MYLK: variants seen among roughly 807,000 people sequenced by gnomAD.
MYLK encodes myosin light chain kinase.
In MYLK, 106 loss-of-function variants were observed where a neutral mutation model predicts 203.4. The observed-to-expected ratio is 0.52, with a 90% CI of 0.45 to 0.61. The LOEUF (loss-of-function observed/expected upper bound fraction) is 0.61. Ranked by LOEUF, MYLK falls within the 20% of genes least tolerant of loss-of-function variation. The probability of loss-of-function intolerance (pLI) is 0.00; values close to 1 mark genes in which losing one functional copy is unlikely to be tolerated. For missense variants in MYLK, 2,072 were observed against 2,442.3 expected (o/e 0.85, Z 3.20); for synonymous variants, 867 against 959.5 (o/e 0.90, Z 1.78).
chr3:123,665,483 G>A (rs1444764675), intron 22 of MYLK, among the ~76,000 whole-genome samples: 1 of 152,144 alleles, frequency 6.6e-6, no homozygotes, highest in African/African-American at 2.4e-5. Context: ...TCATCTCTGG[G>A]GCTAGGAGAA....
chr3:123,761,163 C>G (rs2063522088), intron 4 of MYLK, among the ~76,000 whole-genome samples: 1 of 152,224 alleles, frequency 6.6e-6, no homozygotes, highest in South Asian at 2.1e-4. Flanking sequence ...ACTATAACCC[C>G]TCCATCAGCA....
chr3:123,685,099 A>C (rs1448215479), intron 19 of MYLK, among the ~76,000 whole-genome samples: 1 of 152,228 alleles, frequency 6.6e-6, no homozygotes, highest in African/African-American at 2.4e-5. Context: ...ACTTCCAAGC[A>C]TCACCACAGT....
chr3:123,683,517 C>T (rs13064637), intron 19 of MYLK, among the ~76,000 whole-genome samples: 13 of 152,300 alleles, frequency 8.5e-5, no homozygotes, highest in East Asian at 1.9e-4. Flanking sequence ...GGATGCATTT[C>T]TCCTTCTGGG....
chr3:123,863,114 G>A (rs1280866311), intron 2 of MYLK, among the ~76,000 whole-genome samples: 2 of 152,094 alleles, frequency 1.3e-5, no homozygotes, highest in African/African-American at 4.8e-5. Flanking sequence ...CTCTGCAAGA[G>A]AATAAAAACA....
chr3:123,727,136 G>A (rs924400135), intron 11 of MYLK, among the ~76,000 whole-genome samples: 3 of 152,202 alleles, frequency 2.0e-5, no homozygotes, highest in African/African-American at 7.2e-5. Flanking sequence ...ACTCGATGCT[G>A]AAGCCAAGTT....
At chr3:123,837,112 C>A (rs1165795395) in intron 2 of MYLK, among the ~76,000 whole-genome samples, 2 of 152,146 alleles carry the variant, frequency 1.3e-5, no homozygotes, top group Admixed American at 6.5e-5. Context: ...CAGCTCACTG[C>A]AACCTCCACC....
At chr3:123,718,573 C>A (rs901456260) in intron 13 of MYLK, among the ~76,000 whole-genome samples, 1 of 152,224 alleles carries the variant, frequency 6.6e-6, no homozygotes, top group African/African-American at 2.4e-5. Context: ...AATGGGTCAA[C>A]CTTGCTCCTG....
chr3:123,781,538 A>T (rs1270349993), intron 4 of MYLK, among the ~76,000 whole-genome samples: 2 of 152,220 alleles, frequency 1.3e-5, no homozygotes, highest in South Asian at 2.1e-4. Context: ...CTCTAACAAA[A>T]CTAGAAGGGG....
chr3:123,830,742 T>G (rs964573743), intron 3 of MYLK, among the ~76,000 whole-genome samples: 2 of 152,068 alleles, frequency 1.3e-5, no homozygotes, highest in African/African-American at 2.4e-5. Context: ...TGAAGTACTG[T>G]AGTAGTTAGA....
rs1449454753 is a variant in MYLK, at chr3:123,700,430, G to T, written c.3038C>A (p.Pro1013His). ...LNAKAVESSK[P>H]LSNAQPSGPL... ...CCCTGAAGGCTGTGCATTGCTCAGG[G>T]GCTTGGAACTCTCCACTGCCTTGGC... The change falls in exon 18 of 34, where the codon CCC (proline) becomes CAC (histidine). Residue 1013 changes from proline (P) to histidine (H), a missense_variant. Pro to His is a moderately conservative substitution (Grantham distance 77, BLOSUM62 -2). Transcript: ENST00000360304. 3 of 1,611,378 alleles carry T rather than the reference G, an allele frequency of 1.9e-6. No homozygotes were observed. In the South Asian group the frequency reaches 3.3e-5, roughly 18 times the overall value.
chr3:123,757,946 G>C (rs935065167), intron 4 of MYLK, among the ~76,000 whole-genome samples: 1 of 151,990 alleles, frequency 6.6e-6, no homozygotes, highest in Non-Finnish European at 1.5e-5. Context: ...AAAAATAGTA[G>C]GAAATAAAAC....
intron 2 of MYLK, among the ~76,000 whole-genome samples, chr3:123,871,468 A>G: frequency 6.6e-6 from 1 of 152,220 alleles, no homozygotes; most frequent in East Asian, 1.9e-4. Context: ...CAAACTATAA[A>G]TATCAGGAAT....
intron 27 of MYLK, among the ~76,000 whole-genome samples, chr3:123,645,895 GC>G (rs1439453481): frequency 1.3e-5 from 2 of 152,212 alleles, no homozygotes; most frequent in African/African-American, 4.8e-5. Flanking sequence ...TGTAATCCCA[GC>G]ACTTTGGGAG....
At position 123,709,772 on chromosome 3, in the gene MYLK, C is replaced by T; in HGVS notation, c.1926G>A (p.Met642Ile). The change falls in exon 14 of 34, where the codon ATG becomes ATA. Residue 642 changes from methionine (M) to isoleucine (I), a missense_variant. This residue lies in a region of MYLK where 865 missense variants were observed against 1,016.0 expected (regional missense o/e 0.85). Coordinates refer to ENST00000360304, the MANE Select transcript of MYLK (RefSeq NM_053025.4). ...GAGACAGACCTGACACTTGGACAGT[C>T]ATAGTGACCTGGCTTCCATCCATGA... ...LKVMDGSQVT[M>I]TVQVSGNPPP... The T allele has an allele frequency of 1.2e-6, 2 of 1,614,050 alleles. No homozygotes were observed. The highest frequency in any genetic ancestry group is 8.5e-7 in the Non-Finnish European group (1 of 1,179,974).
intron 19 of MYLK, among the ~76,000 whole-genome samples, chr3:123,684,816 G>A (rs370141106): frequency 6.6e-5 from 10 of 152,228 alleles, no homozygotes; most frequent in African/African-American, 1.7e-4. Context: ...GATTACTGGC[G>A]TGAGCCACGG....
At chr3:123,850,730 A>C (rs1250394149) in intron 2 of MYLK, among the ~76,000 whole-genome samples, 4 of 152,042 alleles carry the variant, frequency 2.6e-5, no homozygotes, top group South Asian at 4.1e-4. Flanking sequence ...TTTTGCTGTG[A>C]AGAAGCTCTT....
chr3:123,618,192 A>C, intron 33 of MYLK: 1 of 217,342 alleles, frequency 4.6e-6, no homozygotes, highest in Non-Finnish European at 9.3e-6. Flanking sequence ...TTGGACCACC[A>C]TCCAAGGTCA....
Position 123,884,280 on chromosome 3 carries a change from G to T in MYLK, c.-260C>A, listed in dbSNP as rs1472462674. 1.4e-5 allele frequency: 2 copies of T among 147,414 alleles called. No homozygotes were observed. Among genetic ancestry groups the T allele is most frequent in the East Asian group, 4.1e-4 (2 of 4,928 alleles). The allele number at this position is 147,414 out of a possible 1,614,324, so 9.1% of individuals were successfully genotyped here. On this transcript the variant is annotated 5_prime_UTR_variant, in exon 1 of 34. Transcript: ENST00000360304. ...CGCCCCGGCCGCAGGCGCACAGCGCGGGCTCCGAGCTCGCTCAGCGCCCTG... is the reference window on the plus strand; with the variant it reads ...CGCCCCGGCCGCAGGCGCACAGCGCTGGCTCCGAGCTCGCTCAGCGCCCTG...
chr3:123,825,764 G>A (rs547668731), intron 3 of MYLK, among the ~76,000 whole-genome samples: 5 of 152,294 alleles, frequency 3.3e-5, no homozygotes, highest in African/African-American at 1.2e-4. Context: ...AGTTGCATGG[G>A]CCCAAGATCA....
Sources: gnomAD v4.1 joint callset for allele counts (sites outside exome capture counted in the v4.1 genomes callset) on GRCh38, gnomAD v4.1.1 for gene constraint, gnomAD v4.1.1 regional missense constraint, MANE v1.5 for transcripts, NCBI Gene and HGNC (gene_info 2026-07-23, HGNC 2026-07-21) for gene names.